Variants in EXOC4 observed in about 807,000 individuals in gnomAD.
EXOC4 encodes SEC8-like 1.
A neutral mutation model predicts 107.2 loss-of-function variants in EXOC4; 71 were observed. The ratio of observed to expected loss-of-function variants is 0.66; its 90% CI spans 0.55 to 0.81. The LOEUF is 0.81. EXOC4 is among the 30% of genes least tolerant of loss of function. The pLI is 0.00. For synonymous variants in EXOC4, 456 were observed against 441.2 expected (o/e 1.03, Z -0.42); for missense variants, 1,108 against 1,189.6 (o/e 0.93, Z 1.01).
chr7:133,907,600 G>T (rs1799595960), intron 12 of EXOC4, among the ~76,000 whole-genome samples: 1 of 152,192 alleles, frequency 6.6e-6, no homozygotes, highest in South Asian at 2.1e-4. Context: ...CACTTTGGGT[G>T]GCCTAGGTGG....
intron 14 of EXOC4, among the ~76,000 whole-genome samples, chr7:133,986,180 T>C (rs1794110052): frequency 6.6e-6 from 1 of 152,234 alleles, no homozygotes; most frequent in African/African-American, 2.4e-5. Flanking sequence ...GTTTTCAAAA[T>C]TAATTGATTT....
At chr7:133,349,014 G>C (rs1795848570) in intron 5 of EXOC4, among the ~76,000 whole-genome samples, 1 of 152,058 alleles carries the variant, frequency 6.6e-6, no homozygotes, top group Non-Finnish European at 1.5e-5. Context: ...GGGATCTAAT[G>C]AGCTTAGTAA....
chr7:133,929,598 G>A (rs560340882), intron 13 of EXOC4, among the ~76,000 whole-genome samples: 78 of 152,096 alleles, frequency 5.1e-4, no homozygotes, highest in Admixed American at 3.1e-3. Flanking sequence ...AGATTCAGGG[G>A]TGTGTATGCA....
intron 7 of EXOC4, among the ~76,000 whole-genome samples, chr7:133,375,748 G>C (rs567455693): frequency 6.6e-6 from 1 of 152,114 alleles, no homozygotes; most frequent in African/African-American, 2.4e-5. Context: ...GATGAGAATA[G>C]ATCTGTGAGG....
intron 5 of EXOC4, among the ~76,000 whole-genome samples, chr7:133,339,086 G>C (rs979275309): frequency 1.3e-5 from 2 of 152,054 alleles, no homozygotes; most frequent in African/African-American, 4.8e-5. Flanking sequence ...CATCTTTATA[G>C]CTTAGCTCCC....
chr7:133,713,626 T>C (rs1213301419), intron 10 of EXOC4, among the ~76,000 whole-genome samples: 1 of 152,198 alleles, frequency 6.6e-6, no homozygotes, highest in African/African-American at 2.4e-5. Context: ...ATAATCACCA[T>C]GTGTCAAGGG....
At chr7:133,846,073 C>T (rs1188658449) in intron 11 of EXOC4, among the ~76,000 whole-genome samples, 1 of 152,130 alleles carries the variant, frequency 6.6e-6, no homozygotes, top group Admixed American at 6.6e-5. Flanking sequence ...TTAAACGTCA[C>T]ACTTACTTTA....
chr7:133,900,971 A>T (rs149553817), intron 12 of EXOC4, among the ~76,000 whole-genome samples: 1 of 152,076 alleles, frequency 6.6e-6, no homozygotes, highest in African/African-American at 2.4e-5. Context: ...CCAGATTCAC[A>T]TGATTCTCCT....
At chr7:133,906,995 A>C (rs1284746424) in intron 12 of EXOC4, among the ~76,000 whole-genome samples, 3 of 152,178 alleles carry the variant, frequency 2.0e-5, no homozygotes, top group Non-Finnish European at 4.4e-5. Context: ...GTCAGAGAAC[A>C]CGAGGCTTGC....
At chr7:133,964,156 G>A (rs1214809390) in intron 14 of EXOC4, among the ~76,000 whole-genome samples, 1 of 152,066 alleles carries the variant, frequency 6.6e-6, no homozygotes, top group African/African-American at 2.4e-5. Context: ...AGTCTTTGGG[G>A]AAGAAAGTAA....
intron 11 of EXOC4, among the ~76,000 whole-genome samples, chr7:133,855,090 T>TATAA (rs1554409748): frequency 4.7e-5 from 4 of 84,632 alleles, no homozygotes; most frequent in African/African-American, 3.0e-4. Flanking sequence ...TAAATATATA[T>TATAA]AAATATATAT....
chr7:133,295,604 T>C (rs1794501471), intron 3 of EXOC4, among the ~76,000 whole-genome samples: 1 of 152,148 alleles, frequency 6.6e-6, no homozygotes, highest in African/African-American at 2.4e-5. Context: ...GAGTTGGTGT[T>C]AAGCTGTTGT....
chr7:133,306,113 G>A, intron 4 of EXOC4, 52 bp downstream of exon 4: 1 of 1,421,842 alleles, frequency 7.0e-7, no homozygotes, highest in Non-Finnish European at 9.4e-7. Flanking sequence ...GGATTGGAAG[G>A]AATATTTTTT....
chr7:133,864,648 T>C (rs1798599362), intron 11 of EXOC4, among the ~76,000 whole-genome samples: 1 of 152,236 alleles, frequency 6.6e-6, no homozygotes, highest in Admixed American at 6.5e-5. Context: ...ATTTGGTGAC[T>C]ATAGATAATT....
intron 9 of EXOC4, among the ~76,000 whole-genome samples, chr7:133,596,293 A>T (rs1206783779): frequency 6.6e-6 from 1 of 152,182 alleles, no homozygotes; most frequent in African/African-American, 2.4e-5. Context: ...TTTATGTTTC[A>T]TAATGTGCTG....
Position 133,592,155 on chromosome 7 carries a change from G to C in EXOC4, c.1418-37890G>C, listed in dbSNP as rs192183835. On this transcript the variant is annotated intron_variant, in intron 9 of 17. Transcript: ENST00000253861. ...GAGCTTACTGTAGCTTCAAACTCCT[G>C]TGCTCAAGTGATCTTCCTGGTTCGG... is the stretch of plus-strand genomic sequence containing the variant. Among the ~76,000 whole-genome samples the C allele has an allele frequency of 4.7e-3, 709 of 152,182 alleles. 6 individuals are homozygous for C. Among genetic ancestry groups the C allele is most frequent in the Non-Finnish European group, 4.1e-3 (278 of 68,008 alleles).
intron 9 of EXOC4, among the ~76,000 whole-genome samples, chr7:133,589,962 G>A (rs73726922): frequency 0.02 from 2,967 of 152,040 alleles, 98 homozygotes; most frequent in African/African-American, 0.068. Flanking sequence ...TTAGGCATGC[G>A]AACACATTTA....
chr7:133,284,052 C>A (rs755421063), intron 2 of EXOC4, among the ~76,000 whole-genome samples: 2 of 152,138 alleles, frequency 1.3e-5, no homozygotes, highest in Admixed American at 1.3e-4. Context: ...AGCTTTGTTA[C>A]CTCGGTTTAG....
intron 7 of EXOC4, among the ~76,000 whole-genome samples, chr7:133,431,154 C>T (rs1312915762): frequency 6.6e-6 from 1 of 152,168 alleles, no homozygotes; most frequent in African/African-American, 2.4e-5. Context: ...CAAATTCTTG[C>T]CTTCAAAGTC....
Sources: allele counts gnomAD v4.1 joint callset (sites outside exome capture counted in the v4.1 genomes callset), GRCh38; gene constraint gnomAD v4.1.1; transcripts MANE v1.5; gene names NCBI Gene and HGNC (gene_info 2026-07-23, HGNC 2026-07-21).